SLC1A6: variants seen among roughly 807,000 people sequenced by gnomAD.
SLC1A6 encodes the protein excitatory amino acid transporter 4.
Under a neutral mutation model 42.1 loss-of-function variants are expected in SLC1A6, and 15 were observed. The observed-to-expected ratio is 0.36, with a 90% confidence interval of 0.24 to 0.55. The LOEUF (loss-of-function observed/expected upper bound fraction) is 0.55, where lower values mean the gene tolerates loss of function less well. Among genes scored for constraint, SLC1A6 ranks in the 20% least tolerant of loss-of-function variants. The probability of loss-of-function intolerance (pLI) is 0.88; values close to 1 mark genes in which losing one functional copy is unlikely to be tolerated. For synonymous variants in SLC1A6, 317 were observed against 319.7 expected, an observed-to-expected ratio of 0.99 and a Z score of 0.09; for missense variants, 542 against 772.5, an observed-to-expected ratio of 0.70 and a Z score of 3.54.
chr19:14,950,384 C>A lies in SLC1A6; in HGVS notation c.1506G>T (p.Arg502=). The A allele has an allele frequency of 6.3e-7, 1 of 1,577,888 alleles. No homozygotes were observed. The highest frequency in any genetic ancestry group is 1.7e-5 in the Admixed American group (1 of 57,550). ...LIIAVDWFLD[R]LRTMTNVLGD... ...CCAGTACGTTGGTCATTGTGCGAAG[C>A]CGGTCACTGGTACAGGGGAGAAAGA... Residue 502 remains arginine, a synonymous_variant, in exon 10 of 10, where the codon CGG becomes CGT. Coordinates refer to ENST00000594383, the MANE Select transcript of SLC1A6 (RefSeq NM_005071.3).
At chr19:15,010,351 T>C (rs1466675394) in intron 1 of SLC1A6, 1 of 330,662 alleles carries the variant, frequency 3.0e-6, no homozygotes, top group Non-Finnish European at 6.1e-6. Flanking sequence ...ATTCTACCTG[T>C]GGGAACAGCA....
At chr19:14,996,952 G>A (rs1307463416) in intron 1 of SLC1A6, among the ~76,000 whole-genome samples, 3 of 152,098 alleles carry the variant, frequency 2.0e-5, no homozygotes, top group South Asian at 2.1e-4. Context: ...ATCTGGTGGG[G>A]TGTGAAAGGA....
intron 1 of SLC1A6, among the ~76,000 whole-genome samples, chr19:15,007,068 A>G (rs10424814): frequency 0.39 from 59,782 of 152,070 alleles, 12,782 homozygotes; most frequent in East Asian, 0.55. Context: ...GGTGCTCGGT[A>G]GTGGAATACA....
At chr19:14,970,236 A>AT (rs1006139989) in intron 3 of SLC1A6, among the ~76,000 whole-genome samples, 16 of 151,664 alleles carry the variant, frequency 1.1e-4, no homozygotes, top group African/African-American at 3.2e-4. Flanking sequence ...TATCCTGCTG[A>AT]TTTTTTTTAT....
chr19:14,979,922 G>GCCGCGCCT (rs1386763579), upstream of SLC1A6: 2 of 151,934 alleles, frequency 1.3e-5, no homozygotes, highest in Non-Finnish European at 2.9e-5. The surrounding 1 kb of genome is among the most constrained non-coding windows in gnomAD (Gnocchi z 4.2). Context: ...CCTGCTCGGA[G>GCCGCGCCT]CCGCGCCTCC....
In SLC1A6 at chr19:14,971,747, G is replaced by A; in HGVS notation, c.333C>T (p.Ser111=). 6.2e-7 allele frequency: 1 copy of A among 1,614,026 alleles called. No individual in the cohort carries two copies. Among genetic ancestry groups the A allele is most frequent in the Non-Finnish European group, 8.5e-7 (1 of 1,179,982 alleles). The change falls in exon 3 of 10, where the codon AGC becomes AGT. Residue 111 remains serine, a synonymous_variant. Transcript: ENST00000594383. ...QMLVLPLIVS[S]LVTGMASLDN... ...CCTGGGCTCTCTCACCTGTGACCAGGCTGGAGACAATGAGAGGTAACACCA... is the reference window on the plus strand; with the variant it reads ...CCTGGGCTCTCTCACCTGTGACCAGACTGGAGACAATGAGAGGTAACACCA...
At chr19:14,998,895 T>TA (rs397948960) in intron 1 of SLC1A6, among the ~76,000 whole-genome samples, 18,655 of 151,006 alleles carry the variant, frequency 0.12, 1,314 homozygotes, top group Non-Finnish European at 0.15. Flanking sequence ...TTTATTTATT[T>TA]TTAATGGAGT....
chr19:14,989,778 G>C (rs112592735), intron 1 of SLC1A6, among the ~76,000 whole-genome samples: 125 of 151,406 alleles, frequency 8.3e-4, no homozygotes, highest in Middle Eastern at 3.4e-3. Flanking sequence ...GATCACCTGA[G>C]GTTAGGAGTT....
chr19:14,971,727 G>T lies in SLC1A6; in HGVS notation c.343+10C>A. On this transcript the variant is annotated intron_variant, in intron 3 of 9. Coordinates refer to ENST00000594383, the MANE Select transcript of SLC1A6 (RefSeq NM_005071.3). ...GTCTTGGAGGCCAACACTGGCCTGGGCTCTCTCACCTGTGACCAGGCTGGA... is the reference window on the plus strand; with the variant it reads ...GTCTTGGAGGCCAACACTGGCCTGGTCTCTCTCACCTGTGACCAGGCTGGA... 1 of 1,613,518 alleles carries T rather than the reference G, an allele frequency of 6.2e-7. No homozygotes were observed. The highest frequency in any genetic ancestry group is 8.5e-7 in the Non-Finnish European group (1 of 1,179,814).
At chr19:14,997,831 T>C (rs1273534867) in intron 1 of SLC1A6, among the ~76,000 whole-genome samples, 3 of 152,196 alleles carry the variant, frequency 2.0e-5, no homozygotes, top group African/African-American at 7.2e-5. Context: ...GGTAGGGCTG[T>C]GCTCCTTCCA....
intron 3 of SLC1A6, among the ~76,000 whole-genome samples, chr19:14,969,077 C>T (rs182163135): frequency 1.8e-4 from 27 of 152,184 alleles, no homozygotes; most frequent in African/African-American, 1.9e-4. Context: ...TGAACTCAGA[C>T]GATCCACTCA....
At chr19:14,990,251 A>G (rs1256769012) in intron 1 of SLC1A6, among the ~76,000 whole-genome samples, 1 of 152,166 alleles carries the variant, frequency 6.6e-6, no homozygotes, top group African/African-American at 2.4e-5. Flanking sequence ...GTCATTTATG[A>G]CAACATGAAC....
At chr19:14,957,478 G>A (rs2045473371) in intron 6 of SLC1A6, among the ~76,000 whole-genome samples, 1 of 152,286 alleles carries the variant, frequency 6.6e-6, no homozygotes, top group South Asian at 2.1e-4. Flanking sequence ...ACACCAGAGA[G>A]CTCCCTCCAC....
chr19:14,991,422 C>T (rs2045819380), intron 1 of SLC1A6, among the ~76,000 whole-genome samples: 1 of 152,052 alleles, frequency 6.6e-6, no homozygotes. Flanking sequence ...GTCAGGAGTT[C>T]AAGCCCCCTG....
At chr19:14,989,075 G>A (rs543109872) in intron 1 of SLC1A6, among the ~76,000 whole-genome samples, 3 of 152,186 alleles carry the variant, frequency 2.0e-5, no homozygotes, top group South Asian at 2.1e-4. Context: ...GGAGCTAAAC[G>A]ATGGGTACCC....
chr19:14,985,684 G>T (rs2045789268), intron 1 of SLC1A6, among the ~76,000 whole-genome samples: 1 of 152,170 alleles, frequency 6.6e-6, no homozygotes, highest in Non-Finnish European at 1.5e-5. Flanking sequence ...AAACAGTCTG[G>T]CCGGGCACTT....
intron 1 of SLC1A6, among the ~76,000 whole-genome samples, chr19:15,009,341 C>CAT (rs1305775365): frequency 7.2e-6 from 1 of 138,270 alleles, no homozygotes; most frequent in African/African-American, 3.2e-5. Context: ...CTACATGGCA[C>CAT]ATATATATAG....
chr19:15,002,964 A>ATTTTGTTGTTGTTGTTGTTGTTGT (rs55727450), intron 1 of SLC1A6, among the ~76,000 whole-genome samples: 36 of 150,930 alleles, frequency 2.4e-4, no homozygotes, highest in Middle Eastern at 3.4e-3. Context: ...TTTTTGTGGG[A>ATTTTGTTGTTGTTGTTGTTGTTGT]TGTTGTTGTT....
intron 1 of SLC1A6, among the ~76,000 whole-genome samples, chr19:15,000,633 T>C (rs969421436): frequency 6.6e-6 from 1 of 152,214 alleles, no homozygotes; most frequent in African/African-American, 2.4e-5. Context: ...TCATTCCATA[T>C]CTTGGCTACT....
Sources: allele counts gnomAD v4.1 joint callset (sites outside exome capture counted in the v4.1 genomes callset), GRCh38; gene constraint gnomAD v4.1.1; non-coding constraint Gnocchi (gnomAD v3.1); transcripts MANE v1.5; gene names NCBI Gene and HGNC (gene_info 2026-07-23, HGNC 2026-07-21).